BICC1: variants seen among roughly 807,000 people sequenced by gnomAD.
BICC1 encodes protein bicaudal C homolog 1.
A neutral mutation model predicts 111.0 loss-of-function variants in BICC1; 43 were observed. The ratio of observed to expected loss-of-function variants is 0.39; its 90% CI spans 0.30 to 0.50. The LOEUF is 0.50. BICC1 is among the 20% of genes least tolerant of loss of function. BICC1 has a pLI of 0.88. For synonymous variants in BICC1, 467 were observed against 434.4 expected, an observed-to-expected ratio of 1.07 and a Z score of -0.93; for missense variants, 1,091 against 1,203.2, an observed-to-expected ratio of 0.91 and a Z score of 1.38.
chr10:58,541,368 A>G (rs562189428), intron 1 of BICC1, among the ~76,000 whole-genome samples: 1 of 152,280 alleles, frequency 6.6e-6, no homozygotes, highest in East Asian at 1.9e-4. Context: ...TGCAGGACAC[A>G]AAATCAACAC....
chr10:58,725,726 C>T (rs1841084733), intron 3 of BICC1, among the ~76,000 whole-genome samples: 1 of 152,162 alleles, frequency 6.6e-6, no homozygotes, highest in Admixed American at 6.5e-5. Context: ...ACTTCCTGGC[C>T]ACCTCAGGCC....
intron 19 of BICC1, among the ~76,000 whole-genome samples, chr10:58,820,165 C>T (rs1261839380): frequency 6.6e-6 from 1 of 152,074 alleles, no homozygotes; most frequent in African/African-American, 2.4e-5. Flanking sequence ...CCGGGTTGCT[C>T]AGAGCTAAGT....
intron 1 of BICC1, among the ~76,000 whole-genome samples, chr10:58,543,940 T>A (rs1263743543): frequency 1.3e-5 from 2 of 151,716 alleles, no homozygotes; most frequent in East Asian, 3.9e-4. Context: ...TTTTAGAAAC[T>A]ACTCAAACGT....
intron 1 of BICC1, among the ~76,000 whole-genome samples, chr10:58,536,817 G>T (rs898673746): frequency 6.6e-6 from 1 of 151,602 alleles, no homozygotes; most frequent in African/African-American, 2.4e-5. Flanking sequence ...GATTAACCAA[G>T]AAAAGAAGAG....
At chr10:58,686,732 T>G (rs1016379147) in intron 2 of BICC1, among the ~76,000 whole-genome samples, 2 of 152,204 alleles carry the variant, frequency 1.3e-5, no homozygotes, top group Non-Finnish European at 1.5e-5. Context: ...TTATTTAAGG[T>G]CTTCTCTACA....
intron 1 of BICC1, among the ~76,000 whole-genome samples, chr10:58,592,583 C>T (rs965238373): frequency 3.3e-5 from 5 of 151,648 alleles, no homozygotes; most frequent in African/African-American, 7.3e-5. Flanking sequence ...TGGTTGGTGG[C>T]GGGTGCCTGT....
intron 2 of BICC1, among the ~76,000 whole-genome samples, chr10:58,624,626 C>T (rs941041378): frequency 2.6e-5 from 4 of 152,140 alleles, no homozygotes; most frequent in Non-Finnish European, 5.9e-5. Context: ...CAGAGTCTTG[C>T]TGTGTTGCCC....
chr10:58,800,205 A>G lies in BICC1; in HGVS notation c.1737A>G (p.Ile579Met). 6.2e-7 allele frequency: 1 copy of G among 1,600,130 alleles called. No individual in the cohort carries two copies. The highest frequency in any genetic ancestry group is 1.1e-5 in the South Asian group (1 of 90,202). ...ALNGHAQSPD[I>M]KYGAISTSSL... ...TATTATTATTTTAGTCTCCAGATAT[A>G]AAATATGGTGCAATATCCACTTCAT... The change falls in exon 13 of 21, where the codon ATA (isoleucine) becomes ATG (methionine). Residue 579 changes from isoleucine to methionine, a missense_variant. Ile to Met is a conservative substitution (Grantham distance 10, BLOSUM62 1). Coordinates refer to ENST00000373886, the MANE Select transcript of BICC1 (RefSeq NM_001080512.3).
intron 2 of BICC1, among the ~76,000 whole-genome samples, chr10:58,660,261 A>G (rs1041871152): frequency 2.2e-4 from 34 of 152,136 alleles, no homozygotes; most frequent in African/African-American, 7.5e-4. Flanking sequence ...TCTCCCCGAC[A>G]ACACAGGCAA....
chr10:58,567,073 A>C (rs1658437), intron 1 of BICC1, among the ~76,000 whole-genome samples: 151,328 of 152,280 alleles, frequency 0.99, 75,194 homozygotes, highest in East Asian at 1. Flanking sequence ...CAGCTGTGCA[A>C]CTCTTTGGAG....
At chr10:58,595,492 G>T (rs577506077) in intron 1 of BICC1, among the ~76,000 whole-genome samples, 3 of 152,258 alleles carry the variant, frequency 2.0e-5, no homozygotes, top group Admixed American at 1.3e-4. Flanking sequence ...AAATGCAAAA[G>T]AATGGAAATC....
chr10:58,538,834 A>T (rs1215885425), intron 1 of BICC1, among the ~76,000 whole-genome samples: 1 of 151,938 alleles, frequency 6.6e-6, no homozygotes, highest in East Asian at 1.9e-4. Flanking sequence ...AGAAATGCTC[A>T]ACATCACTAA....
At chr10:58,522,780 A>C (rs748608647) in intron 1 of BICC1, among the ~76,000 whole-genome samples, 1 of 152,100 alleles carries the variant, frequency 6.6e-6, no homozygotes, top group East Asian at 1.9e-4. Flanking sequence ...TTTTTTGAAA[A>C]GACCAACAAA....
chr10:58,682,028 C>A (rs1311996420), intron 2 of BICC1, among the ~76,000 whole-genome samples: 4 of 131,338 alleles, frequency 3.0e-5, no homozygotes, highest in Admixed American at 7.9e-5. Context: ...TCCCCCCACC[C>A]CATGACAGGC....
chr10:58,808,818 C>G (rs926294594), intron 17 of BICC1, among the ~76,000 whole-genome samples: 2 of 151,676 alleles, frequency 1.3e-5, no homozygotes, highest in African/African-American at 4.8e-5. Flanking sequence ...TGGGTTCAGG[C>G]AATTCTCCCA....
intron 1 of BICC1, among the ~76,000 whole-genome samples, chr10:58,607,343 A>AATAAATAAAT (rs1374739915): frequency 4.6e-5 from 7 of 151,948 alleles, no homozygotes; most frequent in South Asian, 2.1e-4. Flanking sequence ...TAAATAAATA[A>AATAAATAAAT]AACTGTCATG....
chr10:58,729,481 C>G (rs559476549), intron 3 of BICC1, among the ~76,000 whole-genome samples: 1 of 152,190 alleles, frequency 6.6e-6, no homozygotes, highest in Non-Finnish European at 1.5e-5. Flanking sequence ...TGGCTTCTTA[C>G]ATTTTCTATT....
At chr10:58,823,799 C>T in intron 20 of BICC1, 1 of 985,142 alleles carries the variant, frequency 1.0e-6, no homozygotes, top group South Asian at 4.7e-5. Context: ...AGGCTGTGTA[C>T]TTAAGGGGAT....
At position 58,799,636 on chromosome 10, in the gene BICC1, A is replaced by G. The variant is rs139907275; in HGVS notation, c.1725+384A>G. Among the ~76,000 whole-genome samples, 818 of 152,106 alleles carry G rather than the reference A, an allele frequency of 5.4e-3. 4 individuals carry two copies. Among genetic ancestry groups the G allele is most frequent in the African/African-American group, 0.019 (773 of 41,488 alleles). ...CGTATTGCTTGTTATTGTCGACTCTATTGAAGATCAGATGGTTGTAGGTGT... is the reference window on the plus strand; with the variant it reads ...CGTATTGCTTGTTATTGTCGACTCTGTTGAAGATCAGATGGTTGTAGGTGT... On this transcript the variant is annotated intron_variant, in intron 12 of 20. Transcript: ENST00000373886.
Sources: allele counts gnomAD v4.1 joint callset (sites outside exome capture counted in the v4.1 genomes callset), GRCh38; gene constraint gnomAD v4.1.1; transcripts MANE v1.5; gene names NCBI Gene and HGNC (gene_info 2026-07-23, HGNC 2026-07-21).